The following TNRC6B variants were observed in gnomAD, a reference collection of about 807,000 sequenced individuals.
TNRC6B encodes the protein trinucleotide repeat-containing gene 6B protein.
TNRC6B carries 52 observed loss-of-function variants against 203.6 expected under a neutral mutation model. That is an observed-to-expected ratio of 0.26 (90% confidence interval 0.20 to 0.32). The LOEUF is 0.32. Among genes scored for constraint, TNRC6B ranks in the 10% least tolerant of loss-of-function variants. The pLI is 1.00. For synonymous variants in TNRC6B, 838 were observed against 845.7 expected (o/e 0.99, Z 0.16); for missense variants, 1,923 against 2,286.2 (o/e 0.84, Z 3.24).
chr22:40,097,690 A>ACG (rs892185517), intron 1 of TNRC6B, among the ~76,000 whole-genome samples: 16 of 151,458 alleles, frequency 1.1e-4, no homozygotes, highest in South Asian at 2.1e-4. Flanking sequence ...ACACACACAC[A>ACG]CACACACACA....
intron 3 of TNRC6B, among the ~76,000 whole-genome samples, chr22:40,134,889 C>T (rs910939058): frequency 6.6e-6 from 1 of 152,114 alleles, no homozygotes; most frequent in Non-Finnish European, 1.5e-5. Flanking sequence ...ACTCCATTAC[C>T]AAGACAGCAT....
rs1337279743 is a variant in TNRC6B at position 40,323,098 on chromosome 22, C to G, written c.5359C>G (p.Leu1787Val). ...CGCTGGTGGCAGCAGCGGGGCCGAT[C>G]TTGCTGGCGCTTCATTGTGGGGGCC... is the stretch of plus-strand genomic sequence containing the variant. Reference protein sequence around the residue: ...SSAGGSSGADLAGASLWGPPN... With the variant: ...SSAGGSSGADVAGASLWGPPN... The change falls in exon 23 of 23, where the codon CTT becomes GTT. Residue 1787 changes from leucine to valine, a missense_variant. Coordinates refer to ENST00000454349, the MANE Select transcript of TNRC6B (RefSeq NM_001162501.2). 4.3e-6 allele frequency: 7 copies of G among 1,610,090 alleles called. No homozygotes were observed. Among genetic ancestry groups the G allele is most frequent in the Non-Finnish European group, 5.9e-6 (7 of 1,178,100 alleles).
chr22:40,223,048 G>A (rs2069736283), intron 1 of TNRC6B, among the ~76,000 whole-genome samples: 2 of 151,748 alleles, frequency 1.3e-5, no homozygotes, highest in Non-Finnish European at 2.9e-5. Context: ...CACCCAACCT[G>A]TATTATATTT....
chr22:40,266,171 C>T lies in TNRC6B; in HGVS notation c.1941C>T (p.Asp647=), dbSNP rs1569045212. ...TGCCAAGGCCTGAGGGGAAATCTGACAAAGGAACTGAGGGGTGGGAGAGCG... is the reference window on the plus strand; with the variant it reads ...TGCCAAGGCCTGAGGGGAAATCTGATAAAGGAACTGAGGGGTGGGAGAGCG... ...EEVPRPEGKS[D]KGTEGWESAA... Residue 647 remains aspartate (D), a synonymous_variant, in exon 5 of 23, where the codon GAC becomes GAT. Transcript: ENST00000454349. 6.2e-7 allele frequency: 1 copy of T among 1,613,582 alleles called. No individual in the cohort carries two copies. Among genetic ancestry groups the T allele is most frequent in the Non-Finnish European group, 8.5e-7 (1 of 1,179,796 alleles).
chr22:40,290,132 A>G (rs2070850150), intron 12 of TNRC6B, among the ~76,000 whole-genome samples: 1 of 152,232 alleles, frequency 6.6e-6, no homozygotes. Flanking sequence ...CGTCTGAGTC[A>G]GACTGATTCT....
intron 3 of TNRC6B, among the ~76,000 whole-genome samples, chr22:40,261,595 A>AAAAT (rs758337181): frequency 1.1e-3 from 165 of 151,828 alleles, no homozygotes; most frequent in African/African-American, 2.9e-3. Context: ...CTCCGTCTCA[A>AAAAT]AAATAAATAA....
At chr22:40,168,435 G>GTACTGGA (rs1429235414) in intron 4 of TNRC6B, among the ~76,000 whole-genome samples, 1 of 152,152 alleles carries the variant, frequency 6.6e-6, no homozygotes, top group Non-Finnish European at 1.5e-5. Flanking sequence ...ACAGATGGGG[G>GTACTGGA]TACTGGACTC....
intron 1 of TNRC6B, among the ~76,000 whole-genome samples, chr22:40,053,018 T>A (rs2067763176): frequency 6.6e-6 from 1 of 152,218 alleles, no homozygotes; most frequent in Non-Finnish European, 1.5e-5. Context: ...TGCTTGGTTG[T>A]CTTCATGGGA....
chr22:40,142,875 A>G (rs1024168932), intron 3 of TNRC6B, among the ~76,000 whole-genome samples: 2 of 152,224 alleles, frequency 1.3e-5, no homozygotes, highest in Non-Finnish European at 1.5e-5. Flanking sequence ...GGATAACCAC[A>G]TGGAAATGTA....
intron 1 of TNRC6B, among the ~76,000 whole-genome samples, chr22:40,198,480 A>G (rs1321175543): frequency 6.6e-6 from 1 of 152,084 alleles, no homozygotes; most frequent in Non-Finnish European, 1.5e-5. Flanking sequence ...GAGCCTGAGT[A>G]GGATGAGGAG....
intron 4 of TNRC6B, among the ~76,000 whole-genome samples, chr22:40,165,981 TTTG>T (rs1304012813): frequency 6.6e-6 from 1 of 152,184 alleles, no homozygotes; most frequent in Non-Finnish European, 1.5e-5. Flanking sequence ...GTTGTTTTGT[TTTG>T]TTTTGTTTTT....
rs778985843 is a variant in TNRC6B at position 40,323,315 on chromosome 22, T to A, written c.*74T>A. The A allele has an allele frequency of 1.7e-4, 253 of 1,480,246 alleles. No homozygotes were observed. The highest frequency in any genetic ancestry group is 2.2e-4 in the Non-Finnish European group (246 of 1,116,200). The allele number at this position is 1,480,246 out of a possible 1,614,324, so 91.7% of individuals were successfully genotyped here. A position where few individuals can be genotyped will look rare whatever the true frequency, so the allele number is the denominator to read the frequency against. On this transcript the variant is annotated 3_prime_UTR_variant, in exon 23 of 23. Coordinates refer to ENST00000454349, the MANE Select transcript of TNRC6B (RefSeq NM_001162501.2). ...AGCACTAACTTGACCTTTTCGTTTT[T>A]TTTTTCAACTTGCAATAAATACATT...
intron 3 of TNRC6B, among the ~76,000 whole-genome samples, chr22:40,255,858 G>T (rs2070269301): frequency 8.5e-6 from 1 of 116,964 alleles, no homozygotes. Context: ...TTGTTTGTTT[G>T]TTTGTTTGTT....
chr22:40,267,788 A>C (rs2070501083), intron 5 of TNRC6B, among the ~76,000 whole-genome samples: 1 of 152,124 alleles, frequency 6.6e-6, no homozygotes, highest in African/African-American at 2.4e-5. Flanking sequence ...AGGATCGCCT[A>C]AGCCCTGGAG....
chr22:40,219,740 C>A (rs371534041), intron 1 of TNRC6B, among the ~76,000 whole-genome samples: 4 of 152,182 alleles, frequency 2.6e-5, no homozygotes, highest in African/African-American at 9.7e-5. Flanking sequence ...AAATGTCCCC[C>A]CTTCCCTCAC....
chr22:40,265,507 G>A lies in TNRC6B; in HGVS notation c.1277G>A (p.Gly426Asp). 6.2e-7 allele frequency: 1 copy of A among 1,613,940 alleles called. No individual in the cohort carries two copies. Residue 426 changes from glycine (G) to aspartate (D), a missense_variant, in exon 5 of 23, where the codon GGT becomes GAT. This residue lies in a region of TNRC6B where 614 missense variants were observed against 587.7 expected (regional missense o/e 1.04). Transcript: ENST00000454349. ...AAGACTGGGAGTGTTGGATCTTGGG[G>A]TGCAGCTAGGGGGCCTTCTGGAACT... ...DRKTGSVGSW[G>D]AARGPSGTDT... is the part of the protein sequence containing the mutation.
intron 8 of TNRC6B, among the ~76,000 whole-genome samples, chr22:40,277,679 G>A (rs1056489975): frequency 6.6e-6 from 1 of 152,138 alleles, no homozygotes; most frequent in Non-Finnish European, 1.5e-5. Flanking sequence ...ATTATTTGGC[G>A]GTCACTCATG....
chr22:40,304,922 T>A (rs955722203), intron 15 of TNRC6B, among the ~76,000 whole-genome samples: 14 of 152,180 alleles, frequency 9.2e-5, no homozygotes, highest in Admixed American at 6.5e-5. Context: ...AACAGTTGTG[T>A]TAGGATGGCC....
chr22:40,123,635 T>C (rs2068463627), intron 2 of TNRC6B, among the ~76,000 whole-genome samples: 1 of 152,150 alleles, frequency 6.6e-6, no homozygotes, highest in African/African-American at 2.4e-5. Context: ...AAGCAGACAG[T>C]ACAGCACCAG....
Sources: allele counts gnomAD v4.1 joint callset (sites outside exome capture counted in the v4.1 genomes callset), GRCh38; gene constraint gnomAD v4.1.1; regional missense constraint gnomAD v4.1.1; transcripts MANE v1.5; gene names NCBI Gene and HGNC (gene_info 2026-07-23, HGNC 2026-07-21).